FMNL2: variants seen among roughly 807,000 people sequenced by gnomAD.
The protein encoded by FMNL2 is formin-like protein 2.
A neutral mutation model predicts 130.2 loss-of-function variants in FMNL2; 51 were observed. The observed-to-expected ratio is 0.39, with a 90% CI of 0.31 to 0.49. The LOEUF (loss-of-function observed/expected upper bound fraction) is 0.49. Ranked by LOEUF, FMNL2 falls within the 20% of genes least tolerant of loss-of-function variation. The pLI is 0.85. For synonymous variants in FMNL2, 465 were observed against 467.1 expected, an observed-to-expected ratio of 1.00 and a Z score of 0.06; for missense variants, 977 against 1,316.2, an observed-to-expected ratio of 0.74 and a Z score of 3.99.
chr2:152,568,223 T>TTTTTTTGTTTTGTTTTGTTTTTG (rs1553478440), intron 6 of FMNL2, among the ~76,000 whole-genome samples: 2 of 132,276 alleles, frequency 1.5e-5, no homozygotes, highest in East Asian at 2.2e-4. Context: ...GGTGGGTTTT[T>TTTTTTTGTTTTGTTTTGTTTTTG]TTTTTTTTTT....
chr2:152,611,148 G>T (rs1387753923), intron 10 of FMNL2, among the ~76,000 whole-genome samples: 1 of 152,124 alleles, frequency 6.6e-6, no homozygotes, highest in East Asian at 1.9e-4. Context: ...AGACCAGCCT[G>T]GCCAGCATGG....
chr2:152,344,813 A>T (rs956193060), intron 1 of FMNL2, among the ~76,000 whole-genome samples: 1 of 152,348 alleles, frequency 6.6e-6, no homozygotes, highest in African/African-American at 2.4e-5. Context: ...GGCTTCCTGT[A>T]GTGAAATTCA....
Position 152,649,232 on chromosome 2 carries a change from GA to G in FMNL2, c.*1328del, listed in dbSNP as rs1430469787. On this transcript the variant is annotated 3_prime_UTR_variant, in exon 26 of 26. Transcript: ENST00000288670. ...GTTATATGATCTTTTTAAATGTACA[GA>G]TATTTTGCTATAAAATCGGTGCAGT... 6.6e-6 allele frequency: 1 copy of G among 152,560 alleles called. No homozygotes were observed. Among genetic ancestry groups the G allele is most frequent in the African/African-American group, 2.4e-5 (1 of 41,432 alleles). 9.5% of individuals were successfully genotyped at this position (152,560 alleles called of 1,614,324 possible).
At chr2:152,538,501 A>G (rs1430885155) in intron 2 of FMNL2, among the ~76,000 whole-genome samples, 9 of 152,082 alleles carry the variant, frequency 5.9e-5, no homozygotes, top group Non-Finnish European at 1.3e-4. Flanking sequence ...GCTGGTCTCA[A>G]TCTCCTGACC....
chr2:152,606,267 A>G (rs1034128100), intron 9 of FMNL2, among the ~76,000 whole-genome samples: 1 of 152,234 alleles, frequency 6.6e-6, no homozygotes, highest in African/African-American at 2.4e-5. Flanking sequence ...ATGTTAACCA[A>G]GGGACTGTGT....
intron 1 of FMNL2, among the ~76,000 whole-genome samples, chr2:152,418,955 G>C (rs1686762998): frequency 6.9e-6 from 1 of 145,980 alleles, no homozygotes; most frequent in Non-Finnish European, 1.5e-5. Flanking sequence ...TTATATGCTT[G>C]CAAAGGATAT....
intron 1 of FMNL2, among the ~76,000 whole-genome samples, chr2:152,470,189 G>T (rs1263674205): frequency 2.0e-5 from 3 of 152,098 alleles, no homozygotes; most frequent in Non-Finnish European, 4.4e-5. Context: ...GATATTTGAG[G>T]CTGAATAATG....
chr2:152,585,175 A>C (rs1293689324), intron 9 of FMNL2, among the ~76,000 whole-genome samples: 3 of 152,180 alleles, frequency 2.0e-5, no homozygotes, highest in Non-Finnish European at 4.4e-5. Context: ...TTAAAAAACA[A>C]TTTTTTAAGG....
chr2:152,533,543 C>CA (rs1444614280), intron 2 of FMNL2, among the ~76,000 whole-genome samples: 16 of 119,676 alleles, frequency 1.3e-4, no homozygotes, highest in African/African-American at 5.0e-4. Flanking sequence ...GTCAATTCTC[C>CA]AACTTTTTTT....
chr2:152,394,054 AGAT>A (rs1202959168), intron 1 of FMNL2, among the ~76,000 whole-genome samples: 5 of 152,216 alleles, frequency 3.3e-5, no homozygotes. Context: ...CCCTTGTAAT[AGAT>A]GATAACTCAT....
intron 1 of FMNL2, among the ~76,000 whole-genome samples, chr2:152,398,901 G>T (rs1476670837): frequency 2.0e-5 from 3 of 152,232 alleles, no homozygotes; most frequent in Admixed American, 2.0e-4. Context: ...TTTGGTTTGG[G>T]TAGGAAAATT....
chr2:152,361,011 T>C (rs1340694997), intron 1 of FMNL2, among the ~76,000 whole-genome samples: 4 of 152,218 alleles, frequency 2.6e-5, no homozygotes, highest in African/African-American at 7.2e-5. Flanking sequence ...TTTTCAAATT[T>C]TTGACTGCAT....
intron 1 of FMNL2, among the ~76,000 whole-genome samples, chr2:152,341,465 G>A (rs965272182): frequency 1.3e-5 from 2 of 152,178 alleles, no homozygotes; most frequent in African/African-American, 4.8e-5. Flanking sequence ...CCTTAAATCC[G>A]TAAGTGATAA....
chr2:152,440,972 T>G (rs749031284), intron 1 of FMNL2, among the ~76,000 whole-genome samples: 6 of 152,194 alleles, frequency 3.9e-5, no homozygotes, highest in Non-Finnish European at 8.8e-5. Context: ...CACCTTGTCT[T>G]TTTCAAAGAA....
At chr2:152,344,081 GT>G (rs964370979) in intron 1 of FMNL2, among the ~76,000 whole-genome samples, 39 of 152,280 alleles carry the variant, frequency 2.6e-4, no homozygotes, top group Admixed American at 2.4e-3. Flanking sequence ...GAGCCCAGAA[GT>G]TTGAGGTTGC....
At chr2:152,422,115 C>T (rs1287228382) in intron 1 of FMNL2, among the ~76,000 whole-genome samples, 1 of 152,156 alleles carries the variant, frequency 6.6e-6, no homozygotes, top group Non-Finnish European at 1.5e-5. Flanking sequence ...CTGCTGCCTC[C>T]CATGTTTAGG....
At chr2:152,497,813 C>T (rs1691595098) in intron 1 of FMNL2, among the ~76,000 whole-genome samples, 1 of 152,176 alleles carries the variant, frequency 6.6e-6, no homozygotes, top group Non-Finnish European at 1.5e-5. Context: ...CTTTTCTGCT[C>T]AGACTCACCA....
At chr2:152,638,281 A>C (rs1291086625) in intron 23 of FMNL2, among the ~76,000 whole-genome samples, 1 of 152,236 alleles carries the variant, frequency 6.6e-6, no homozygotes, top group Admixed American at 6.5e-5. Flanking sequence ...GACATGTATC[A>C]GAAGGATTTG....
At chr2:152,630,174 T>G (rs1682065002) in intron 20 of FMNL2, among the ~76,000 whole-genome samples, 1 of 152,220 alleles carries the variant, frequency 6.6e-6, no homozygotes. Flanking sequence ...ATTAACAATC[T>G]AAAGGTCTAA....
Sources: gnomAD v4.1 joint callset for allele counts (sites outside exome capture counted in the v4.1 genomes callset) on GRCh38, gnomAD v4.1.1 for gene constraint, MANE v1.5 for transcripts, NCBI Gene and HGNC (gene_info 2026-07-23, HGNC 2026-07-21) for gene names.